LARGE1: variants seen among roughly 807,000 people sequenced by gnomAD.
The protein encoded by LARGE1 is LARGE xylosyl- and glucuronyltransferase 1.
LARGE1 carries 43 observed loss-of-function variants against 87.6 expected under a neutral mutation model. The ratio of observed to expected loss-of-function variants is 0.49; its 90% CI spans 0.38 to 0.63. LARGE1 has a LOEUF of 0.63. Among genes scored for constraint, LARGE1 ranks in the 30% least tolerant of loss-of-function variants. LARGE1 has a pLI of 0.00. For synonymous variants in LARGE1, 434 were observed against 394.6 expected, an observed-to-expected ratio of 1.10 and a Z score of -1.18; for missense variants, 802 against 1,000.2, an observed-to-expected ratio of 0.80 and a Z score of 2.67.
At chr22:33,069,773 T>C in the LARGE1 span, among the ~76,000 whole-genome samples, 1 of 151,616 alleles carries the variant, frequency 6.6e-6, no homozygotes, top group Non-Finnish European at 1.5e-5. Flanking sequence ...AAAAAATAGG[T>C]AAATGTCTCT....
At chr22:33,748,626 A>G (rs1294984127) in intron 2 of LARGE1, among the ~76,000 whole-genome samples, 1 of 152,238 alleles carries the variant, frequency 6.6e-6, no homozygotes, top group East Asian at 1.9e-4. Context: ...GTGGACACAC[A>G]GCATTTAAAA....
the LARGE1 span, among the ~76,000 whole-genome samples, chr22:33,129,513 A>G: frequency 6.0e-4 from 91 of 152,334 alleles, 1 homozygote; most frequent in East Asian, 0.015. Flanking sequence ...GTGCACATGT[A>G]CCCTAAAACT....
chr22:33,636,019 C>T (rs240604), intron 3 of LARGE1, among the ~76,000 whole-genome samples: 98,612 of 151,998 alleles, frequency 0.65, 32,690 homozygotes, highest in African/African-American at 0.77. Flanking sequence ...GTCCCCTCCA[C>T]GGCAAGGCAC....
chr22:33,297,627 AGAAG>A (rs1287429114), intron 12 of LARGE1, among the ~76,000 whole-genome samples: 1 of 147,716 alleles, frequency 6.8e-6, no homozygotes, highest in Non-Finnish European at 1.5e-5. Context: ...AAAAAAAAAA[AGAAG>A]GGTTTGTCCC....
At chr22:33,404,240 C>T (rs1181289925) in intron 7 of LARGE1, among the ~76,000 whole-genome samples, 6 of 152,094 alleles carry the variant, frequency 3.9e-5, no homozygotes, top group Non-Finnish European at 4.4e-5. Flanking sequence ...AGGTAGCATG[C>T]CATGCTGATA....
intron 6 of LARGE1, among the ~76,000 whole-genome samples, chr22:33,541,078 G>GGGGGT (rs1569252354): frequency 1.6e-4 from 10 of 62,252 alleles, no homozygotes; most frequent in Non-Finnish European, 2.0e-4. Flanking sequence ...CGGGGGGCGG[G>GGGGGT]TTGCAGGGGG....
At chr22:33,195,203 T>C (rs1288940077) in intron 11 of LARGE1, among the ~76,000 whole-genome samples, 3 of 152,140 alleles carry the variant, frequency 2.0e-5, no homozygotes, top group Non-Finnish European at 4.4e-5. Context: ...TTAAATATAA[T>C]AACTATATAT....
chr22:33,419,538 C>G (rs1451474395), intron 7 of LARGE1, among the ~76,000 whole-genome samples: 3 of 152,086 alleles, frequency 2.0e-5, no homozygotes, highest in Non-Finnish European at 4.4e-5. Flanking sequence ...TCCTTCAGGT[C>G]TTAGCTCAAA....
intron 1 of LARGE1, among the ~76,000 whole-genome samples, chr22:33,893,314 C>G (rs1265219563): frequency 6.6e-6 from 1 of 152,214 alleles, no homozygotes; most frequent in African/African-American, 2.4e-5. Context: ...TGCAGTTCCT[C>G]CTGGAACTCA....
At chr22:33,908,830 T>C (rs1439425582) in intron 1 of LARGE1, among the ~76,000 whole-genome samples, 1 of 152,122 alleles carries the variant, frequency 6.6e-6, no homozygotes, top group East Asian at 1.9e-4. Context: ...AAGCTCCTCC[T>C]CAGACAGAGA....
At chr22:33,318,803 TTC>T (rs1359796551) in intron 10 of LARGE1, among the ~76,000 whole-genome samples, 1 of 152,154 alleles carries the variant, frequency 6.6e-6, no homozygotes, top group Non-Finnish European at 1.5e-5. Context: ...ATTTTTTTTT[TTC>T]TGTTAAATCA....
chr22:33,535,620 T>C (rs1004721109), intron 6 of LARGE1, among the ~76,000 whole-genome samples: 6 of 152,032 alleles, frequency 3.9e-5, no homozygotes, highest in Non-Finnish European at 7.4e-5. Context: ...CTGTATAAAC[T>C]GGAGAAGAGG....
intron 10 of LARGE1, among the ~76,000 whole-genome samples, chr22:33,324,908 G>C (rs1248529537): frequency 8.8e-6 from 1 of 113,316 alleles, no homozygotes; most frequent in Non-Finnish European, 1.8e-5. Context: ...CACTCACTGG[G>C]TCAGGTAAAG....
chr22:33,779,545 G>A (rs900224840), intron 1 of LARGE1, among the ~76,000 whole-genome samples: 3 of 152,216 alleles, frequency 2.0e-5, no homozygotes, highest in Non-Finnish European at 2.9e-5. Flanking sequence ...ACTGGGAGGC[G>A]GAGGTGGGTG....
the LARGE1 span, among the ~76,000 whole-genome samples, chr22:33,072,360 C>T: frequency 2.6e-5 from 4 of 152,070 alleles, no homozygotes; most frequent in Non-Finnish European, 5.9e-5. Context: ...CACTTTTCTT[C>T]ATTTTGTCCT....
chr22:33,248,296 T>G (rs1388390827), intron 11 of LARGE1, among the ~76,000 whole-genome samples: 3 of 152,180 alleles, frequency 2.0e-5, no homozygotes, highest in Non-Finnish European at 4.4e-5. Context: ...CAAGCAATTT[T>G]CCTGCCTCAG....
chr22:33,483,369 C>A (rs1487689685), intron 6 of LARGE1, among the ~76,000 whole-genome samples: 1 of 152,174 alleles, frequency 6.6e-6, no homozygotes, highest in African/African-American at 2.4e-5. Flanking sequence ...CTTCCCCTTG[C>A]AACCATCAGT....
intron 5 of LARGE1, among the ~76,000 whole-genome samples, chr22:33,568,426 A>T (rs948129307): frequency 6.6e-6 from 1 of 152,208 alleles, no homozygotes; most frequent in Non-Finnish European, 1.5e-5. Context: ...CAACCGAGTC[A>T]TACAGTTAAC....
intron 6 of LARGE1, among the ~76,000 whole-genome samples, chr22:33,456,245 T>G (rs747488114): frequency 1.3e-5 from 2 of 152,216 alleles, no homozygotes; most frequent in Non-Finnish European, 2.9e-5. Flanking sequence ...ATTCTGTGGC[T>G]GCCAATTATT....
Sources: gnomAD v4.1 joint callset for allele counts (sites outside exome capture counted in the v4.1 genomes callset) on GRCh38, gnomAD v4.1.1 for gene constraint, MANE v1.5 for transcripts, NCBI Gene and HGNC (gene_info 2026-07-23, HGNC 2026-07-21) for gene names.